Variants in NREP observed in about 807,000 individuals in gnomAD.
The protein encoded by NREP is neuronal regeneration-related protein.
A neutral mutation model predicts 8.6 loss-of-function variants in NREP; 5 were observed. The ratio of observed to expected loss-of-function variants is 0.58; its 90% CI spans 0.30 to 1.22. NREP has a LOEUF of 1.22. Ranked by LOEUF, NREP falls within the 50% of genes most tolerant of loss-of-function variation. The pLI is 0.07. For missense variants in NREP, 86 were observed against 82.5 expected, an observed-to-expected ratio of 1.04 and a Z score of -0.17; for synonymous variants, 27 against 28.0, an observed-to-expected ratio of 0.96 and a Z score of 0.11.
At chr5:111,808,762 TC>T (rs1299839284) in intron 2 of NREP, among the ~76,000 whole-genome samples, 1 of 152,166 alleles carries the variant, frequency 6.6e-6, no homozygotes, top group Admixed American at 6.5e-5. Context: ...TCTACACTTT[TC>T]CTATGATAAC....
chr5:111,799,342 G>GTA (rs570330273), intron 2 of NREP, among the ~76,000 whole-genome samples: 119 of 152,190 alleles, frequency 7.8e-4, no homozygotes, highest in Middle Eastern at 3.4e-3. Context: ...CATTGAATTT[G>GTA]TAGACTGCTT....
Position 111,975,459 on chromosome 5 carries a change from G to A in NREP, c.31-81C>T, listed in dbSNP as rs149344164. The A allele has an allele frequency of 5.6e-4, 485 of 872,582 alleles. No homozygotes were observed. The African/African-American group carries it at 7.3e-3, about 13-fold the overall frequency. 54.1% of individuals were successfully genotyped at this position (872,582 alleles called of 1,614,324 possible). A position where few individuals can be genotyped will look rare whatever the true frequency, so the allele number is the denominator to read the frequency against. The stretch of plus-strand genomic sequence containing the variant: ...ACTCACAGCTCCAGCAATTCAGAGA[G>A]GAGGAGAATGGGCATTGTTCTCATT... On this transcript the variant is annotated intron_variant, in intron 1 of 3. Coordinates refer to the NREP transcript ENST00000395634.
At chr5:111,798,138 A>G (rs1381729909) in intron 2 of NREP, among the ~76,000 whole-genome samples, 1 of 152,216 alleles carries the variant, frequency 6.6e-6, no homozygotes, top group Non-Finnish European at 1.5e-5. Context: ...TATTTGAACA[A>G]CTTACTATCT....
intron 2 of NREP, among the ~76,000 whole-genome samples, chr5:111,866,885 G>T (rs368845127): frequency 2.6e-4 from 39 of 151,154 alleles, no homozygotes; most frequent in Non-Finnish European, 4.3e-4. Flanking sequence ...CTCAGCAAAC[G>T]ATCGCAAGGA....
chr5:111,887,961 T>C (rs59876317), intron 2 of NREP, among the ~76,000 whole-genome samples: 1,669 of 152,246 alleles, frequency 0.011, 17 homozygotes, highest in South Asian at 0.036. Context: ...TCTTTGGAAA[T>C]TGAAGGAAAA....
chr5:111,901,484 G>A (rs1754646009), intron 2 of NREP, among the ~76,000 whole-genome samples: 1 of 151,878 alleles, frequency 6.6e-6, no homozygotes, highest in Admixed American at 6.6e-5. Context: ...ACACAGCCAG[G>A]CAAGAGGAAA....
At chr5:111,840,570 T>C (rs576210503) in intron 2 of NREP, among the ~76,000 whole-genome samples, 1 of 152,232 alleles carries the variant, frequency 6.6e-6, no homozygotes, top group South Asian at 2.1e-4. Context: ...AGACTGAATG[T>C]TTAAGTGACA....
intron 2 of NREP, among the ~76,000 whole-genome samples, chr5:111,920,755 T>C (rs1438004994): frequency 6.6e-6 from 1 of 152,136 alleles, no homozygotes; most frequent in Non-Finnish European, 1.5e-5. Flanking sequence ...ATGTTCCTTA[T>C]CTCTTCCTAC....
chr5:111,970,552 G>A (rs961964076), intron 2 of NREP, among the ~76,000 whole-genome samples: 1 of 152,058 alleles, frequency 6.6e-6, no homozygotes, highest in Admixed American at 6.5e-5. Context: ...TGGGTCGGGC[G>A]TGGTGGCTTA....
chr5:111,817,804 CAAAAA>C (rs145517030), intron 2 of NREP, among the ~76,000 whole-genome samples: 2 of 56,444 alleles, frequency 3.5e-5, no homozygotes, highest in African/African-American at 6.3e-5. Context: ...GACTTCATCT[CAAAAA>C]AAAAAAAAAA....
At chr5:111,772,390 AT>A (rs928197635) in intron 2 of NREP, among the ~76,000 whole-genome samples, 37 of 152,280 alleles carry the variant, frequency 2.4e-4, no homozygotes, top group Middle Eastern at 3.4e-3. Flanking sequence ...GTTTCACTAA[AT>A]TTATAGAAAC....
At chr5:111,870,703 T>C (rs968988465) in intron 2 of NREP, among the ~76,000 whole-genome samples, 1 of 152,058 alleles carries the variant, frequency 6.6e-6, no homozygotes, top group Non-Finnish European at 1.5e-5. Context: ...ATTTCCAGTA[T>C]AACTGACATC....
intron 2 of NREP, among the ~76,000 whole-genome samples, chr5:111,778,205 A>T (rs1751409209): frequency 6.6e-6 from 1 of 152,196 alleles, no homozygotes; most frequent in African/African-American, 2.4e-5. Context: ...TCATATGCTA[A>T]GAGAATTGCC....
At chr5:111,755,989 C>A in intron 1 of NREP, 159 bp from the exon 2 acceptor site, 1 of 1,424,508 alleles carries the variant, frequency 7.0e-7, no homozygotes, top group Non-Finnish European at 9.2e-7. Context: ...AAAGAGCTTT[C>A]CAAGTGGCCT....
intron 2 of NREP, among the ~76,000 whole-genome samples, chr5:111,846,918 A>C (rs924450586): frequency 6.6e-6 from 1 of 152,140 alleles, no homozygotes; most frequent in East Asian, 1.9e-4. Context: ...TTTTTCATTC[A>C]TTCACGTATT....
chr5:111,901,775 T>G (rs1421024763), intron 2 of NREP, among the ~76,000 whole-genome samples: 1 of 152,036 alleles, frequency 6.6e-6, no homozygotes, highest in Non-Finnish European at 1.5e-5. Context: ...AAATTGAAAT[T>G]ATAAAATACT....
At chr5:111,763,200 C>T (rs942193556) in intron 2 of NREP, among the ~76,000 whole-genome samples, 4 of 152,248 alleles carry the variant, frequency 2.6e-5, no homozygotes, top group South Asian at 4.2e-4. Flanking sequence ...TCGTATTAGA[C>T]GATTCAGTAA....
At chr5:111,968,932 G>A (rs1012675301) in intron 2 of NREP, among the ~76,000 whole-genome samples, 6 of 152,190 alleles carry the variant, frequency 3.9e-5, no homozygotes, top group African/African-American at 1.4e-4. Flanking sequence ...CCTCAGCCAG[G>A]TGGATGTAAA....
intron 2 of NREP, among the ~76,000 whole-genome samples, chr5:111,924,829 C>G (rs1233532573): frequency 6.6e-6 from 1 of 152,126 alleles, no homozygotes; most frequent in Admixed American, 6.5e-5. Context: ...CTGGCTTGCT[C>G]ACACCTCTGG....
Sources: allele counts gnomAD v4.1 joint callset (sites outside exome capture counted in the v4.1 genomes callset), GRCh38; gene constraint gnomAD v4.1.1; transcripts MANE v1.5; gene names NCBI Gene and HGNC (gene_info 2026-07-23, HGNC 2026-07-21).